Variants in TENM2 observed in about 807,000 individuals in gnomAD.
TENM2 encodes teneurin-2.
Under a neutral mutation model 245.2 loss-of-function variants are expected in TENM2, and 52 were observed. The observed-to-expected ratio is 0.21, with a 90% CI of 0.17 to 0.27. The LOEUF is 0.27. Among genes scored for constraint, TENM2 ranks in the 10% least tolerant of loss-of-function variants. The pLI is 1.00. For missense variants in TENM2, 3,046 were observed against 3,666.8 expected (o/e 0.83, Z 4.37); for synonymous variants, 1,363 against 1,438.9 (o/e 0.95, Z 1.19).
At chr5:167,347,872 A>G (rs375079044) in intron 1 of TENM2, among the ~76,000 whole-genome samples, 3 of 152,186 alleles carry the variant, frequency 2.0e-5, no homozygotes, top group East Asian at 1.9e-4. Flanking sequence ...GAATCATGGT[A>G]ATTAGCTTTC....
the TENM2 span, among the ~76,000 whole-genome samples, chr5:166,990,673 A>T: frequency 6.6e-6 from 1 of 152,216 alleles, no homozygotes; most frequent in Non-Finnish European, 1.5e-5. Flanking sequence ...GATAATGAAG[A>T]TATTTAAATG....
At chr5:167,860,914 G>A (rs557656707) in intron 2 of TENM2, among the ~76,000 whole-genome samples, 10 of 119,330 alleles carry the variant, frequency 8.4e-5, no homozygotes, top group Middle Eastern at 3.8e-3. Flanking sequence ...GCGGAAGGCC[G>A]CAGGGTCCTC....
chr5:168,238,445 C>A (rs935880922), intron 25 of TENM2, among the ~76,000 whole-genome samples: 3 of 152,098 alleles, frequency 2.0e-5, no homozygotes, highest in Admixed American at 1.3e-4. Context: ...TCGTGACCCC[C>A]CTCACTAATC....
chr5:168,025,928 C>T (rs747992593), intron 5 of TENM2, among the ~76,000 whole-genome samples: 13 of 152,144 alleles, frequency 8.5e-5, no homozygotes, highest in Non-Finnish European at 1.8e-4. Flanking sequence ...CCTATTTGAG[C>T]TCCAAAGGCG....
At chr5:167,271,895 T>A in the TENM2 span, among the ~76,000 whole-genome samples, 5 of 152,168 alleles carry the variant, frequency 3.3e-5, no homozygotes, top group Non-Finnish European at 7.4e-5. Context: ...TCCTTTGACC[T>A]CTTATTTACT....
chr5:167,185,561 C>T, the TENM2 span, among the ~76,000 whole-genome samples: 1 of 152,094 alleles, frequency 6.6e-6, no homozygotes, highest in South Asian at 2.1e-4. Flanking sequence ...TTCTCAAAAG[C>T]ATCTATAACC....
intron 2 of TENM2, among the ~76,000 whole-genome samples, chr5:167,658,490 C>T (rs923733789): frequency 3.3e-5 from 5 of 151,984 alleles, no homozygotes; most frequent in African/African-American, 1.2e-4. Context: ...CCTCTTTTAT[C>T]AAGATCTTAA....
intron 26 of TENM2, among the ~76,000 whole-genome samples, chr5:168,246,491 A>C (rs1766586127): frequency 6.6e-6 from 1 of 152,192 alleles, no homozygotes; most frequent in Non-Finnish European, 1.5e-5. Context: ...GCCCCACCCC[A>C]GATCTACCAA....
chr5:166,990,177 G>C, the TENM2 span, among the ~76,000 whole-genome samples: 1 of 152,038 alleles, frequency 6.6e-6, no homozygotes, highest in Non-Finnish European at 1.5e-5. Flanking sequence ...AGACTCTCTG[G>C]TTCAAACAGG....
At position 167,805,927 on chromosome 5, in the gene TENM2, AT is replaced by A. The variant is rs373115440; in HGVS notation, c.503-70056del. On this transcript the variant is annotated intron_variant, in intron 2 of 28. Coordinates refer to ENST00000518659, the Ensembl canonical transcript of TENM2. Reference sequence around the variant, plus strand: ...AGGAGAATATTAATCTTAGATTTTCATTTCCTATAAAATAATTTCCCACTTA... The same window carrying A: ...AGGAGAATATTAATCTTAGATTTTCATTCCTATAAAATAATTTCCCACTTA... Among the ~76,000 whole-genome samples, 16 of 152,298 alleles carry A rather than the reference AT, an allele frequency of 1.1e-4. No individual in the cohort carries two copies. In the East Asian group the frequency reaches 3.1e-3, roughly 29 times the overall value.
intron 3 of TENM2, among the ~76,000 whole-genome samples, chr5:167,915,138 C>T (rs931828218): frequency 2.6e-5 from 4 of 152,028 alleles, no homozygotes; most frequent in Non-Finnish European, 4.4e-5. Context: ...CCTTCACTCC[C>T]GATTGGGATG....
chr5:167,354,715 T>A (rs1297743169), intron 1 of TENM2, among the ~76,000 whole-genome samples: 1 of 152,242 alleles, frequency 6.6e-6, no homozygotes, highest in African/African-American at 2.4e-5. Context: ...GAATATTATT[T>A]CTTTCTTTTG....
intron 2 of TENM2, among the ~76,000 whole-genome samples, chr5:167,488,526 G>C (rs1034001452): frequency 6.6e-6 from 1 of 152,056 alleles, no homozygotes; most frequent in African/African-American, 2.4e-5. Context: ...GGATGGTTTT[G>C]CTCGTGACTC....
intron 1 of TENM2, among the ~76,000 whole-genome samples, chr5:167,329,550 T>TAAAA (rs1307487146): frequency 8.6e-5 from 1 of 11,690 alleles, no homozygotes; most frequent in Non-Finnish European, 1.7e-4. Context: ...AGACTCAGTC[T>TAAAA]CAAAAAAAAA....
At chr5:167,940,658 A>G (rs905625326) in intron 3 of TENM2, among the ~76,000 whole-genome samples, 5 of 152,250 alleles carry the variant, frequency 3.3e-5, no homozygotes, top group Non-Finnish European at 7.3e-5. Context: ...AAGGATCCAG[A>G]TCAGGGCCTT....
chr5:167,696,165 G>T (rs1422707296), intron 2 of TENM2, among the ~76,000 whole-genome samples: 1 of 152,180 alleles, frequency 6.6e-6, no homozygotes, highest in Non-Finnish European at 1.5e-5. Context: ...TATTTGAAGG[G>T]TTGGTATTTG....
the TENM2 span, among the ~76,000 whole-genome samples, chr5:167,065,204 A>T: frequency 1.3e-5 from 2 of 152,224 alleles, no homozygotes; most frequent in Non-Finnish European, 2.9e-5. Context: ...ATCTGACAGC[A>T]ATATGATTAA....
At chr5:168,262,576 C>G in exon 29 of TENM2, 5 of 1,568,786 alleles carry the variant, frequency 3.2e-6, no homozygotes, top group Non-Finnish European at 4.3e-6. Context: ...GCGTCCTGGA[C>G]CAGGCGAGAC....
chr5:167,094,956 C>T, the TENM2 span, among the ~76,000 whole-genome samples: 14 of 152,250 alleles, frequency 9.2e-5, no homozygotes, highest in Non-Finnish European at 1.5e-5. Context: ...AGTTGGGTAG[C>T]TGAGATACAG....
Sources: gnomAD v4.1 joint callset for allele counts (sites outside exome capture counted in the v4.1 genomes callset) on GRCh38, gnomAD v4.1.1 for gene constraint, MANE v1.5 for transcripts, NCBI Gene and HGNC (gene_info 2026-07-23, HGNC 2026-07-21) for gene names.